SETDB1: variants seen among roughly 807,000 people sequenced by gnomAD.
SETDB1 encodes the protein histone-lysine N-methyltransferase SETDB1.
SETDB1 carries 31 observed loss-of-function variants against 137.4 expected under a neutral mutation model. The ratio of observed to expected loss-of-function variants is 0.23; its 90% confidence interval spans 0.17 to 0.30. The LOEUF (loss-of-function observed/expected upper bound fraction) is 0.30. Among genes scored for constraint, SETDB1 ranks in the 10% least tolerant of loss-of-function variants. The pLI is 1.00. For synonymous variants in SETDB1, 548 were observed against 579.9 expected (o/e 0.95, Z 0.79); for missense variants, 1,113 against 1,631.5 (o/e 0.68, Z 5.47).
chr1:150,931,349 G>A (rs1406346869), intron 3 of SETDB1, among the ~76,000 whole-genome samples: 1 of 149,900 alleles, frequency 6.7e-6, no homozygotes, highest in Non-Finnish European at 1.5e-5. Flanking sequence ...ACTTTGGGAG[G>A]CCAAGGAGGG....
chr1:150,929,976 T>C lies in SETDB1; in HGVS notation c.270T>C (p.Thr90=). The C allele has an allele frequency of 6.2e-7, 1 of 1,613,520 alleles. No individual in the cohort carries two copies. The highest frequency in any genetic ancestry group is 8.5e-7 in the Non-Finnish European group (1 of 1,179,734). ...QLFDDASRAV[T]NCESLVKDFY... is the part of the protein sequence containing the mutation. ...TGTGTTCCAATATTAGGGCAGTGAC[T>C]AATTGTGAGTCTTTGGTGAAGGACT... is the stretch of plus-strand genomic sequence containing the variant. The change falls in exon 3 of 22, where the codon ACT becomes ACC. Residue 90 remains threonine (T), a synonymous_variant. Coordinates refer to ENST00000692827, the MANE Select transcript of SETDB1 (RefSeq NM_001366418.1).
intron 5 of SETDB1, 90 bp downstream of exon 5, chr1:150,941,518 C>T (rs766745299): frequency 5.9e-5 from 45 of 761,014 alleles, no homozygotes; most frequent in Non-Finnish European, 9.2e-5. Flanking sequence ...TTGTTTGTGA[C>T]ATGCCAGACT....
At chr1:150,961,234 T>C (rs1442715743) in intron 16 of SETDB1, 43 bp downstream of exon 16, 6 of 1,592,916 alleles carry the variant, frequency 3.8e-6, no homozygotes, top group Non-Finnish European at 5.1e-6. Context: ...GCTTTAACTT[T>C]GGTGCAGTAA....
chr1:150,951,071 A>G lies in SETDB1; in HGVS notation c.2197A>G (p.Lys733Glu). ...GPEFLVGCDC[K>E]DGCRDKSKCA... ...TGAATTTCTGGTTGGCTGTGACTGC[A>G]AGGATGGGTGTCGGGACAAGTGAGT... Residue 733 changes from lysine (K) to glutamate (E), a missense_variant, in exon 13 of 22, where the codon AAG becomes GAG. Physicochemically the swap from Lys to Glu is moderately conservative, Grantham distance 56. Around this residue, in one of 11 missense-constraint regions of SETDB1, gnomAD observed 81 missense variants for 123.4 expected, o/e 0.66. Transcript: ENST00000692827. The G allele has an allele frequency of 1.9e-6, 3 of 1,610,184 alleles. No homozygotes were observed. The highest frequency in any genetic ancestry group is 2.5e-6 in the Non-Finnish European group (3 of 1,176,794).
intron 14 of SETDB1, 61 bp downstream of exon 14, chr1:150,951,542 C>A: frequency 1.1e-6 from 1 of 902,098 alleles, no homozygotes; most frequent in Non-Finnish European, 1.8e-6. Context: ...TCTTGTTTTT[C>A]TGTGCTTATA....
At position 150,962,150 on chromosome 1, in the gene SETDB1, G is replaced by C. The variant is rs768854736; in HGVS notation, c.3153G>C (p.Lys1051Asn). The C allele has an allele frequency of 1.2e-6, 2 of 1,613,992 alleles. No individual in the cohort carries two copies. Among genetic ancestry groups the C allele is most frequent in the Non-Finnish European group, 1.7e-6 (2 of 1,179,978 alleles). ...AKKEDTDDRN[K>N]MSVVTESSRN... ...TCCAGGACACTGACGACCGAAACAAGATGTCAGTGTAAGTGCCTTTTGTTT... is the reference window on the plus strand; with the variant it reads ...TCCAGGACACTGACGACCGAAACAACATGTCAGTGTAAGTGCCTTTTGTTT... Residue 1051 changes from lysine (K) to asparagine (N), a missense_variant, in exon 17 of 22, where the codon AAG becomes AAC. Around this residue, in one of 11 missense-constraint regions of SETDB1, gnomAD observed 373 missense variants for 412.7 expected, o/e 0.90. Transcript: ENST00000692827.
chr1:150,929,208 C>T (rs1337759043), intron 2 of SETDB1, among the ~76,000 whole-genome samples: 1 of 152,084 alleles, frequency 6.6e-6, no homozygotes, highest in Non-Finnish European at 1.5e-5. Flanking sequence ...ACAGTCCCAC[C>T]AACAGTGTAA....
chr1:150,963,414 A>T, intron 19 of SETDB1, 116 bp from the exon 20 acceptor site: 1 of 945,536 alleles, frequency 1.1e-6, no homozygotes, highest in Non-Finnish European at 1.6e-6. Flanking sequence ...GTTCCAGCTT[A>T]TTGGTGTTTC....
At chr1:150,956,660 A>G (rs117803927) in intron 14 of SETDB1, among the ~76,000 whole-genome samples, 1 of 152,216 alleles carries the variant, frequency 6.6e-6, no homozygotes, top group East Asian at 1.9e-4. Context: ...TGATCTGTAT[A>G]GACTTACGTG....
At position 150,958,818 on chromosome 1, in the gene SETDB1, A is replaced by G. The variant is rs145792085; in HGVS notation, c.2334-360A>G. Among the ~76,000 whole-genome samples, 53 of 152,196 alleles carry G rather than the reference A, an allele frequency of 3.5e-4. 1 individual carries two copies. In the East Asian group the frequency reaches 8.9e-3, roughly 25 times the overall value. On this transcript the variant is annotated intron_variant, in intron 14 of 21. Transcript: ENST00000692827. ...TTTATTTTGTGCATCTATTTCTACA[A>G]ATTGACCGTCCATATAGTGCTTATT... is the stretch of plus-strand genomic sequence containing the variant.
intron 3 of SETDB1, among the ~76,000 whole-genome samples, chr1:150,936,230 C>A (rs1408213991): frequency 2.0e-5 from 3 of 152,182 alleles, no homozygotes; most frequent in Non-Finnish European, 2.9e-5. Flanking sequence ...ACCTCGTAAT[C>A]TGCCCGTCTC....
chr1:150,964,683 C>G lies in SETDB1; in HGVS notation c.*319C>G. On this transcript the variant is annotated 3_prime_UTR_variant, in exon 22 of 22. Coordinates refer to ENST00000692827, the MANE Select transcript of SETDB1 (RefSeq NM_001366418.1). The stretch of plus-strand genomic sequence containing the variant: ...TCTTAGAATGGAGCCTGTGTATCTA[C>G]TATCTCCAGTTTGTATTATTTCTTG... 1 of 595,748 alleles carries G rather than the reference C, an allele frequency of 1.7e-6. No homozygotes were observed. The highest frequency in any genetic ancestry group is 2.8e-5 in the East Asian group (1 of 36,168). 36.9% of individuals were successfully genotyped at this position (595,748 alleles called of 1,614,324 possible).
intron 16 of SETDB1, 138 bp downstream of exon 16, chr1:150,961,329 A>C: frequency 1.1e-6 from 1 of 875,640 alleles, no homozygotes; most frequent in South Asian, 1.6e-5. Context: ...CTCTCCCCCT[A>C]ACTAGCACAT....
chr1:150,952,415 A>G (rs902430703), intron 14 of SETDB1, among the ~76,000 whole-genome samples: 12 of 152,210 alleles, frequency 7.9e-5, no homozygotes, highest in African/African-American at 2.7e-4. Context: ...ATTAATAGGT[A>G]GAGCTACAGA....
chr1:150,937,106 CAG>C (rs928524006), intron 3 of SETDB1, among the ~76,000 whole-genome samples: 3 of 149,594 alleles, frequency 2.0e-5, no homozygotes, highest in African/African-American at 7.4e-5. Flanking sequence ...GCCTGGATGA[CAG>C]AGTAAGAATC....
chr1:150,953,345 T>G (rs904138229), intron 14 of SETDB1, among the ~76,000 whole-genome samples: 3 of 151,928 alleles, frequency 2.0e-5, no homozygotes, highest in Non-Finnish European at 4.4e-5. Flanking sequence ...GCCAATATGG[T>G]GAAACCCCAT....
chr1:150,940,015 T>C, intron 4 of SETDB1, 41 bp downstream of exon 4: 1 of 1,544,724 alleles, frequency 6.5e-7, no homozygotes, highest in South Asian at 1.1e-5. Context: ...GATAAGAATA[T>C]GAAAATAGGA....
intron 9 of SETDB1, among the ~76,000 whole-genome samples, chr1:150,946,476 T>G (rs1366265066): frequency 6.6e-6 from 1 of 152,092 alleles, no homozygotes; most frequent in Non-Finnish European, 1.5e-5. Context: ...GGGATGGAGT[T>G]TCGCTCCTGT....
chr1:150,963,812 A>G (rs945761083), intron 20 of SETDB1, 71 bp downstream of exon 20: 4 of 1,465,912 alleles, frequency 2.7e-6, no homozygotes, highest in African/African-American at 1.4e-5. Context: ...AACATACTCT[A>G]TAAGCCCTTT....
Sources: gnomAD v4.1 joint callset for allele counts (sites outside exome capture counted in the v4.1 genomes callset) on GRCh38, gnomAD v4.1.1 for gene constraint, gnomAD v4.1.1 regional missense constraint, MANE v1.5 for transcripts, NCBI Gene and HGNC (gene_info 2026-07-23, HGNC 2026-07-21) for gene names.